The following SAMD4B variants were observed in gnomAD, a reference collection of about 807,000 sequenced individuals.
SAMD4B encodes the protein protein Smaug homolog 2.
SAMD4B carries 5 observed loss-of-function variants against 74.5 expected under a neutral mutation model. That is an observed-to-expected ratio of 0.07 (90% confidence interval 0.04 to 0.14). SAMD4B has a LOEUF of 0.14. SAMD4B is among the 10% of genes least tolerant of loss of function. The pLI, the probability that SAMD4B is intolerant of heterozygous loss-of-function variation, is 1.00. For missense variants in SAMD4B, 608 were observed against 921.8 expected (o/e 0.66, Z 4.41); for synonymous variants, 373 against 374.9 (o/e 1.00, Z 0.06).
At chr19:39,365,673 G>C (rs2076921881) in intron 3 of SAMD4B, among the ~76,000 whole-genome samples, 1 of 152,236 alleles carries the variant, frequency 6.6e-6, no homozygotes, top group African/African-American at 2.4e-5. Flanking sequence ...TCACCTGCAA[G>C]ATGAGCACAC....
At chr19:39,385,996 C>T (rs764181926), downstream of SAMD4B, 3 of 1,613,546 alleles carry the variant, frequency 1.9e-6, no homozygotes. Flanking sequence ...GGGACTCAGT[C>T]ACTGTCACTA....
chr19:39,389,378 T>G (rs751838604), downstream of SAMD4B: 1 of 1,614,076 alleles, frequency 6.2e-7, no homozygotes, highest in East Asian at 2.2e-5. This position sits in a 1 kb window ranked among gnomAD's most constrained non-coding sequence, Gnocchi z 5.3. Context: ...CGCGTGCTGC[T>G]GGGATCTGGG....
chr19:39,346,031 T>G (rs2075680618), intron 1 of SAMD4B, among the ~76,000 whole-genome samples: 1 of 152,134 alleles, frequency 6.6e-6, no homozygotes, highest in Non-Finnish European at 1.5e-5. Flanking sequence ...GCAGCCCCTC[T>G]CAGCTGCTAA....
intron 3 of SAMD4B, among the ~76,000 whole-genome samples, chr19:39,363,166 C>T (rs2076753049): frequency 1.3e-5 from 2 of 152,120 alleles, no homozygotes; most frequent in Non-Finnish European, 2.9e-5. Context: ...GGGTCATGAC[C>T]TACTTAGCTC....
chr19:39,352,504 A>C lies in SAMD4B; in HGVS notation c.-266-1502A>C, dbSNP rs1251760838. The C allele has an allele frequency of 2.6e-5, 4 of 152,118 alleles. No homozygotes were observed. In the Middle Eastern group the frequency reaches 0.014, roughly 517 times the overall value. 9.4% of individuals were successfully genotyped at this position (152,118 alleles called of 1,614,324 possible). Reference sequence around the variant, plus strand: ...CTCTTTAGGGGAAAAAAAAAAAAAAAAAAACCTAAGACGTAACAATACTGG... The same window carrying C: ...CTCTTTAGGGGAAAAAAAAAAAAAACAAAACCTAAGACGTAACAATACTGG... On this transcript the variant is annotated intron_variant, in intron 1 of 13. Transcript: ENST00000610417.
chr19:39,361,478 T>G (rs978097021), intron 3 of SAMD4B, among the ~76,000 whole-genome samples: 1 of 148,866 alleles, frequency 6.7e-6, no homozygotes, highest in Non-Finnish European at 1.5e-5. Flanking sequence ...TAGCCAGACG[T>G]GGTAGTGGGT....
chr19:39,365,329 G>A (rs912383245), intron 3 of SAMD4B, among the ~76,000 whole-genome samples: 2 of 151,798 alleles, frequency 1.3e-5, no homozygotes, highest in African/African-American at 4.8e-5. Flanking sequence ...CGAGGCAGGT[G>A]GATCACCTGA....
Position 39,383,790 on chromosome 19 carries a change from C to T in SAMD4B, c.*263C>T, listed in dbSNP as rs753403273. The T allele has an allele frequency of 5.7e-4, 776 of 1,368,194 alleles. 2 individuals are homozygous for T. The highest frequency in any genetic ancestry group is 7.3e-4 in the Non-Finnish European group (737 of 1,002,896). 84.8% of individuals were successfully genotyped at this position (1,368,194 alleles called of 1,614,324 possible). A position where few individuals can be genotyped will look rare whatever the true frequency, so the allele number is the denominator to read the frequency against. ...GGCAGGGACTGGCCAGACTGCCTGC[C>T]TCTCTCCTTTCCTTCCTCATCCCCA... On this transcript the variant is annotated 3_prime_UTR_variant, in exon 14 of 14. Transcript: ENST00000610417. The surrounding 1 kb of genome is among the most constrained non-coding windows in gnomAD (Gnocchi z 4.1).
rs910036443 is a variant in SAMD4B, at chr19:39,369,531, A to T, written c.197-124A>T. 3 of 739,968 alleles carry T rather than the reference A, an allele frequency of 4.1e-6. No individual in the cohort carries two copies. The African/African-American group carries it at 5.7e-5, about 14-fold the overall frequency. 45.8% of individuals were successfully genotyped at this position (739,968 alleles called of 1,614,324 possible). A position where few individuals can be genotyped will look rare whatever the true frequency, so the allele number is the denominator to read the frequency against. On this transcript the variant is annotated intron_variant, in intron 3 of 13. Transcript: ENST00000610417. ...TATATGAGGGATAAGTTTGGGAGTT[A>T]TGAAAAGAAAATCGTTATGAAAAGA...
intron 1 of SAMD4B, chr19:39,351,723 G>A (rs2076053045): frequency 6.6e-6 from 1 of 152,086 alleles, no homozygotes; most frequent in Non-Finnish European, 1.5e-5. Context: ...TTCTGAAGCA[G>A]GCTTCCACCG....
In SAMD4B at chr19:39,383,843, C is replaced by A; in HGVS notation, c.*316C>A. ...TGGTCCCATCCCACCCCTGCCTCCT[C>A]CAGACCGCTGACCACCTGCCTCTCC... On this transcript the variant is annotated 3_prime_UTR_variant, in exon 14 of 14. Coordinates refer to ENST00000610417, the MANE Select transcript of SAMD4B (RefSeq NM_001384574.2). The surrounding 1 kb of genome is among the most constrained non-coding windows in gnomAD (Gnocchi z 4.1). The A allele has an allele frequency of 1.1e-6, 1 of 871,944 alleles. No homozygotes were observed. Among genetic ancestry groups the A allele is most frequent in the Non-Finnish European group, 1.8e-6 (1 of 571,002 alleles). The allele number at this position is 871,944 out of a possible 1,614,324, so 54.0% of individuals were successfully genotyped here. A position where few individuals can be genotyped will look rare whatever the true frequency, so the allele number is the denominator to read the frequency against.
intron 1 of SAMD4B, among the ~76,000 whole-genome samples, chr19:39,345,806 C>T (rs1231843466): frequency 6.6e-6 from 1 of 152,188 alleles, no homozygotes; most frequent in African/African-American, 2.4e-5. Context: ...CTCCAAGTTC[C>T]TCAGATCTCA....
chr19:39,386,350 G>A, downstream of SAMD4B: 1 of 1,614,142 alleles, frequency 6.2e-7, no homozygotes, highest in Middle Eastern at 1.6e-4. This position sits in a 1 kb window ranked among gnomAD's most constrained non-coding sequence, Gnocchi z 6.1. Context: ...CTGCCCGAGT[G>A]CTCATCTTCA....
chr19:39,389,426 T>TG, downstream of SAMD4B: 1 of 1,607,128 alleles, frequency 6.2e-7, no homozygotes, highest in Non-Finnish European at 8.5e-7. The surrounding 1 kb of genome is among the most constrained non-coding windows in gnomAD (Gnocchi z 5.3). Flanking sequence ...ACTGCCCTCC[T>TG]GCTTGTAGGG....
intron 1 of SAMD4B, among the ~76,000 whole-genome samples, chr19:39,347,617 G>C (rs538913768): frequency 6.6e-6 from 1 of 152,278 alleles, no homozygotes; most frequent in East Asian, 1.9e-4. Context: ...GTGGCCTCAG[G>C]GGAGCAGAAT....
intron 3 of SAMD4B, among the ~76,000 whole-genome samples, chr19:39,362,497 G>A (rs971860111): frequency 3.3e-5 from 5 of 152,140 alleles, no homozygotes; most frequent in East Asian, 1.9e-4. Context: ...GACATGAGGC[G>A]CAACACCTAG....
chr19:39,369,593 C>G (rs1334132439), intron 3 of SAMD4B, 62 bp from the exon 4 acceptor site: 3 of 1,366,878 alleles, frequency 2.2e-6, no homozygotes, highest in Non-Finnish European at 3.1e-6. Context: ...AGGCAGTGCT[C>G]TCAGGTGAAT....
At chr19:39,380,438 G>C in intron 10 of SAMD4B, 149 bp from the exon 11 acceptor site, 4 of 809,550 alleles carry the variant, frequency 4.9e-6, no homozygotes, top group South Asian at 3.1e-5. Context: ...CTCCTTCCAG[G>C]GGGTACCCTT....
In SAMD4B at chr19:39,383,065, TCC is replaced by T; in HGVS notation, c.1973-141_1973-140del. ...CTGTTGTGTGACACGCTCGCCTCTCTCCCTGTCCACCTCCTCCCGTTCTTCCC... is the reference window on the plus strand; with the variant it reads ...CTGTTGTGTGACACGCTCGCCTCTCTCTGTCCACCTCCTCCCGTTCTTCCC... On this transcript the variant is annotated intron_variant, in intron 12 of 13. Coordinates refer to ENST00000610417, the MANE Select transcript of SAMD4B (RefSeq NM_001384574.2). This position sits in a 1 kb window ranked among gnomAD's most constrained non-coding sequence, Gnocchi z 4.1. 2 of 716,120 alleles carry T rather than the reference TCC, an allele frequency of 2.8e-6. No homozygotes were observed. Among genetic ancestry groups the T allele is most frequent in the Non-Finnish European group, 2.6e-6 (1 of 390,664 alleles). The allele number at this position is 716,120 out of a possible 1,614,324, so 44.4% of individuals were successfully genotyped here.
Sources: gnomAD v4.1 joint callset for allele counts (sites outside exome capture counted in the v4.1 genomes callset) on GRCh38, gnomAD v4.1.1 for gene constraint, Gnocchi (gnomAD v3.1) non-coding constraint, MANE v1.5 for transcripts, NCBI Gene and HGNC (gene_info 2026-07-23, HGNC 2026-07-21) for gene names.